The following ZNF7 variants were observed in gnomAD, a reference collection of about 807,000 sequenced individuals.
The protein encoded by ZNF7 is zinc finger protein 7, also known as C2-H2 type zinc finger protein.
Under a neutral mutation model 12.0 loss-of-function variants are expected in ZNF7, and 10 were observed. That is an observed-to-expected ratio of 0.83 (90% CI 0.51 to 1.42). The LOEUF (loss-of-function observed/expected upper bound fraction) is 1.42. ZNF7 is among the 40% of genes most tolerant of loss of function. ZNF7 has a pLI of 0.00. For synonymous variants in ZNF7, 334 were observed against 295.0 expected, an observed-to-expected ratio of 1.13 and a Z score of -1.35; for missense variants, 854 against 837.2, an observed-to-expected ratio of 1.02 and a Z score of -0.25.
chr8:144,839,030 C>T (rs1041185583), intron 4 of ZNF7, among the ~76,000 whole-genome samples: 7 of 142,764 alleles, frequency 4.9e-5, no homozygotes, highest in Admixed American at 2.1e-4. Flanking sequence ...CATTCATATG[C>T]GCCTAGGGGC....
intron 2 of ZNF7, 178 bp downstream of exon 2, chr8:144,829,268 C>A: frequency 6.5e-7 from 1 of 1,532,372 alleles, no homozygotes; most frequent in East Asian, 2.3e-5. Flanking sequence ...CTAATTGAGG[C>A]TCTTGAGGGG....
chr8:144,832,423 CA>C (rs36076579), intron 3 of ZNF7, among the ~76,000 whole-genome samples: 6,327 of 36,058 alleles, frequency 0.18, 1,491 homozygotes, highest in East Asian at 0.55. Context: ...ACTCTATCTC[CA>C]AAAAAAAAAA....
intron 3 of ZNF7, among the ~76,000 whole-genome samples, chr8:144,830,728 CT>C (rs756859185): frequency 2.6e-3 from 360 of 138,816 alleles, no homozygotes; most frequent in Non-Finnish European, 3.0e-3. Context: ...AGTGAGGGTC[CT>C]TTTTTTTTTT....
intron 3 of ZNF7, among the ~76,000 whole-genome samples, chr8:144,831,294 C>G (rs1828418667): frequency 6.6e-6 from 1 of 152,170 alleles, no homozygotes; most frequent in South Asian, 2.1e-4. Context: ...CAGGGTAAAG[C>G]TTTTGAAGAC....
In ZNF7 at chr8:144,841,834, A is replaced by G; in HGVS notation, c.727A>G (p.Asn243Asp). ...SDCLQGKHTN[N>D]CHGEKPYECA... Reference sequence around the variant, plus strand: ...CTGCTTGCAGGGGAAACATACAAATAACTGCCATGGAGAGAAGCCGTACGA... The same window carrying G: ...CTGCTTGCAGGGGAAACATACAAATGACTGCCATGGAGAGAAGCCGTACGA... The change falls in exon 5 of 5, where the codon AAC becomes GAC. Residue 243 changes from asparagine to aspartate, a missense_variant. Coordinates refer to ENST00000532777, the MANE Select transcript of ZNF7 (RefSeq NM_003416.4). The G allele has an allele frequency of 6.2e-7, 1 of 1,614,202 alleles. No individual in the cohort carries two copies. Among genetic ancestry groups the G allele is most frequent in the Non-Finnish European group, 8.5e-7 (1 of 1,180,038 alleles).
intron 4 of ZNF7, among the ~76,000 whole-genome samples, chr8:144,839,646 C>T (rs71520599): frequency 0.023 from 3,525 of 152,338 alleles, 39 homozygotes; most frequent in Admixed American, 0.034. Flanking sequence ...AGCACTTGCT[C>T]GCAGACCTGA....
At chr8:144,828,342 C>T (rs1828035701) in intron 1 of ZNF7, among the ~76,000 whole-genome samples, 3 of 152,194 alleles carry the variant, frequency 2.0e-5, no homozygotes, top group Non-Finnish European at 2.9e-5. Context: ...GAGCTGGAGA[C>T]TGGAATTTAT....
At chr8:144,847,505 C>T (rs1015113743), downstream of ZNF7, 2 of 152,306 alleles carry the variant, frequency 1.3e-5, no homozygotes, top group Middle Eastern at 3.4e-3. Flanking sequence ...AAATCTATAA[C>T]CTAGGCCTGG....
At position 144,842,423 on chromosome 8, in the gene ZNF7, A is replaced by C. The variant is rs1383872481; in HGVS notation, c.1316A>C (p.Lys439Thr). ...CATCAGCTGATTCACACTGGAGAGAAGCCTTATAAATGCAACAAGTGTACA... is the reference window on the plus strand; with the variant it reads ...CATCAGCTGATTCACACTGGAGAGACGCCTTATAAATGCAACAAGTGTACA... The part of the protein sequence containing the change: ...SQHQLIHTGE[K>T]PYKCNKCTKA... Residue 439 changes from lysine (K) to threonine (T), a missense_variant, in exon 5 of 5, where the codon AAG (lysine) becomes ACG (threonine). Coordinates refer to ENST00000532777, the MANE Select transcript of ZNF7 (RefSeq NM_003416.4). 6.2e-7 allele frequency: 1 copy of C among 1,613,984 alleles called. No homozygotes were observed. The highest frequency in any genetic ancestry group is 8.5e-7 in the Non-Finnish European group (1 of 1,180,036).
downstream of ZNF7, among the ~76,000 whole-genome samples, chr8:144,844,014 A>C (rs1363408596): frequency 2.0e-5 from 3 of 152,168 alleles, no homozygotes; most frequent in East Asian, 5.8e-4. Context: ...CGCCATCATT[A>C]CTGGTGTGGT....
chr8:144,835,595 G>C (rs931825261), intron 3 of ZNF7: 1 of 152,108 alleles, frequency 6.6e-6, no homozygotes, highest in African/African-American at 2.4e-5. Flanking sequence ...GATTGGTTTT[G>C]TCATCAGTCA....
chr8:144,845,354 T>C (rs1164823670), downstream of ZNF7, among the ~76,000 whole-genome samples: 1 of 151,256 alleles, frequency 6.6e-6, no homozygotes, highest in East Asian at 1.9e-4. Context: ...GCCTGCTCTG[T>C]TGGGAGCTGG....
downstream of ZNF7, among the ~76,000 whole-genome samples, chr8:144,844,436 C>T (rs114790777): frequency 0.015 from 2,285 of 152,062 alleles, 57 homozygotes; most frequent in African/African-American, 0.052. Flanking sequence ...ATGGGCCGGG[C>T]GTGGTGGCTC....
intron 3 of ZNF7, chr8:144,829,879 T>C: frequency 3.3e-6 from 1 of 298,548 alleles, no homozygotes; most frequent in Non-Finnish European, 6.2e-6. Flanking sequence ...AAACTTGAAA[T>C]AGCTTAGACA....
intron 4 of ZNF7, 66 bp from the exon 5 acceptor site, chr8:144,841,289 A>G: frequency 3.3e-6 from 5 of 1,497,266 alleles, no homozygotes; most frequent in South Asian, 1.3e-5. Flanking sequence ...TGGCCCCCGC[A>G]TTTGTAGTCT....
chr8:144,832,786 A>G (rs1246470089), intron 3 of ZNF7, among the ~76,000 whole-genome samples: 1 of 152,100 alleles, frequency 6.6e-6, no homozygotes, highest in African/African-American at 2.4e-5. Context: ...TCTCCTGTGG[A>G]TTTTATAGTT....
intron 1 of ZNF7, chr8:144,827,852 C>G (rs1345184144): frequency 2.1e-5 from 5 of 235,584 alleles, no homozygotes; most frequent in Non-Finnish European, 3.5e-5. Flanking sequence ...TCCCCGCAGA[C>G]CCCGCTCGTG....
In ZNF7 at chr8:144,843,105, C is replaced by T. The variant is rs2130729138; in HGVS notation, c.1998C>T (p.Asp666=). ...HTGEKPYKCN[D]CGKAFNRSSR... is the part of the protein sequence containing the mutation. Reference sequence around the variant, plus strand: ...GGGAGAAGCCTTATAAATGCAATGACTGTGGCAAAGCTTTTAATCGTAGCT... The same window carrying T: ...GGGAGAAGCCTTATAAATGCAATGATTGTGGCAAAGCTTTTAATCGTAGCT... The change falls in exon 5 of 5, where the codon GAC becomes GAT. Residue 666 remains aspartate (D), a synonymous_variant. Coordinates refer to ENST00000532777, the MANE Select transcript of ZNF7 (RefSeq NM_003416.4). 1.2e-6 allele frequency: 2 copies of T among 1,612,134 alleles called. No homozygotes were observed. The highest frequency in any genetic ancestry group is 1.7e-6 in the Non-Finnish European group (2 of 1,179,300).
chr8:144,844,735 A>G (rs1045883373), downstream of ZNF7, among the ~76,000 whole-genome samples: 37 of 148,652 alleles, frequency 2.5e-4, no homozygotes, highest in African/African-American at 8.9e-4. Context: ...AAAAAAAAAA[A>G]ACGAAAATGG....
Sources: allele counts gnomAD v4.1 joint callset (sites outside exome capture counted in the v4.1 genomes callset), GRCh38; gene constraint gnomAD v4.1.1; transcripts MANE v1.5; gene names NCBI Gene and HGNC (gene_info 2026-07-23, HGNC 2026-07-21).